RPL19: variants seen among roughly 807,000 people sequenced by gnomAD.
RPL19 encodes large ribosomal subunit protein eL19.
A neutral mutation model predicts 25.1 loss-of-function variants in RPL19; 2 were observed. The observed-to-expected ratio is 0.08, with a 90% CI of 0.03 to 0.25. The LOEUF is 0.25. Among genes scored for constraint, RPL19 ranks in the 10% least tolerant of loss-of-function variants. RPL19 has a pLI of 1.00. For synonymous variants in RPL19, 89 were observed against 91.2 expected (o/e 0.98, Z 0.14); for missense variants, 123 against 271.8 (o/e 0.45, Z 3.85).
At chr17:39,202,130 T>G (rs1367751951) in intron 2 of RPL19, among the ~76,000 whole-genome samples, 187 bp from the exon 3 acceptor site, 2 of 152,078 alleles carry the variant, frequency 1.3e-5, no homozygotes, top group Non-Finnish European at 2.9e-5. Context: ...ACAACCTCTG[T>G]TTGTGAAGGA....
intron 4 of RPL19, 21 bp from the exon 5 acceptor site, chr17:39,204,056 T>C (rs1455697853): frequency 7.1e-7 from 1 of 1,413,918 alleles, no homozygotes; most frequent in South Asian, 1.2e-5. Context: ...CCAGCATCTC[T>C]TCACTCCGTG....
intron 1 of RPL19, 63 bp from the exon 2 acceptor site, chr17:39,201,149 TG>T: frequency 1.9e-6 from 2 of 1,074,188 alleles, no homozygotes; most frequent in South Asian, 1.3e-5. Flanking sequence ...CAGGTCTTGA[TG>T]GGGACGTTCA....
At chr17:39,203,474 C>T (rs888500004) in intron 4 of RPL19, among the ~76,000 whole-genome samples, 4 of 150,086 alleles carry the variant, frequency 2.7e-5, no homozygotes, top group South Asian at 2.1e-4. Flanking sequence ...AGCCACCACG[C>T]GTGGCCCACA....
intron 4 of RPL19, 37 bp from the exon 5 acceptor site, chr17:39,204,040 C>A: frequency 1.6e-6 from 2 of 1,217,924 alleles, no homozygotes; most frequent in South Asian, 1.2e-5. Flanking sequence ...TCTGATCCAT[C>A]ACCAACCAGC....
In RPL19 at chr17:39,200,305, C is replaced by G; in HGVS notation, c.-40C>G. 1.3e-6 allele frequency: 2 copies of G among 1,526,126 alleles called. No individual in the cohort carries two copies. Among genetic ancestry groups the G allele is most frequent in the Non-Finnish European group, 1.8e-6 (2 of 1,135,990 alleles). The allele number at this position is 1,526,126 out of a possible 1,614,324, so 94.5% of individuals were successfully genotyped here. On this transcript the variant is annotated 5_prime_UTR_variant, in exon 1 of 6. Transcript: ENST00000225430. ...TTCGCAGATAATGGGAGGAGCCGGG[C>G]CCGAGCGAGCTCTTTCCTTTCGCTG...
chr17:39,203,541 C>G (rs916821576), intron 4 of RPL19, among the ~76,000 whole-genome samples: 8 of 134,468 alleles, frequency 5.9e-5, no homozygotes, highest in African/African-American at 2.0e-4. Context: ...GACAGAGTCT[C>G]GCTCTGTCAC....
In RPL19 at chr17:39,204,664, C is replaced by G; in HGVS notation, c.*16C>G. 4 of 1,611,910 alleles carry G rather than the reference C, an allele frequency of 2.5e-6. No individual in the cohort carries two copies. Among genetic ancestry groups the G allele is most frequent in the Non-Finnish European group, 3.4e-6 (4 of 1,178,592 alleles). On this transcript the variant is annotated 3_prime_UTR_variant, in exon 6 of 6. Coordinates refer to ENST00000225430, the MANE Select transcript of RPL19 (RefSeq NM_000981.4). ...CAAGAAATAAAACCTCCCACTTTGT[C>G]TGTACATACTGGCCTCTGTGATTAC...
At chr17:39,201,467 C>T (rs1214418105) in intron 2 of RPL19, 148 bp downstream of exon 2, 2 of 587,860 alleles carry the variant, frequency 3.4e-6, no homozygotes, top group Non-Finnish European at 6.0e-6. Context: ...GCCATCTGAT[C>T]ATTGCAACCC....
chr17:39,201,849 G>A (rs2046292599), intron 2 of RPL19, among the ~76,000 whole-genome samples: 1 of 152,172 alleles, frequency 6.6e-6, no homozygotes, highest in Non-Finnish European at 1.5e-5. Flanking sequence ...TGGGATTATC[G>A]ACGTGAGCCA....
chr17:39,202,430 A>T lies in RPL19; in HGVS notation c.226A>T (p.Met76Leu). The T allele has an allele frequency of 6.2e-7, 1 of 1,614,202 alleles. No individual in the cohort carries two copies. The highest frequency in any genetic ancestry group is 2.2e-5 in the East Asian group (1 of 44,884). ...CTTGGCCCGCCGGAAGGGCAGGCAC[A>T]TGGGCATAGGTAAGTGTGGTCATCT... is the stretch of plus-strand genomic sequence containing the variant. ...NTLARRKGRHMGIGKRKGTAN... is the reference protein window; with the variant it reads ...NTLARRKGRHLGIGKRKGTAN... The change falls in exon 3 of 6, where the codon ATG (methionine) becomes TTG (leucine). Residue 76 changes from methionine to leucine, a missense_variant. Coordinates refer to ENST00000225430, the MANE Select transcript of RPL19 (RefSeq NM_000981.4).
chr17:39,201,018 G>A (rs140900292), intron 1 of RPL19, 195 bp from the exon 2 acceptor site: 1 of 536,216 alleles, frequency 1.9e-6, no homozygotes, highest in Non-Finnish European at 3.3e-6. Flanking sequence ...GCTCCGAGAG[G>A]TGAAGGCATA....
intron 1 of RPL19, chr17:39,200,996 T>G: frequency 2.0e-6 from 1 of 504,014 alleles, no homozygotes; most frequent in East Asian, 3.3e-5. Context: ...AGAGGAGAAA[T>G]GCGAACATGA....
chr17:39,204,471 C>G, intron 5 of RPL19, 54 bp from the exon 6 acceptor site: 1 of 1,606,584 alleles, frequency 6.2e-7, no homozygotes. Flanking sequence ...GCTTCTGTCT[C>G]CCTAGCATCT....
chr17:39,202,235 C>A (rs1048723698), intron 2 of RPL19, 82 bp from the exon 3 acceptor site: 1 of 1,530,614 alleles, frequency 6.5e-7, no homozygotes, highest in South Asian at 1.1e-5. Flanking sequence ...AGAATGTGAG[C>A]AGTGTCTCTG....
intron 3 of RPL19, 47 bp from the exon 4 acceptor site, chr17:39,202,942 A>G: frequency 6.2e-7 from 1 of 1,610,588 alleles, no homozygotes. Flanking sequence ...GTACTTATAC[A>G]CAGTGGGCCT....
intron 4 of RPL19, 65 bp downstream of exon 4, chr17:39,203,174 A>ATT (rs59332263): frequency 0.042 from 24,186 of 581,432 alleles, 103 homozygotes; most frequent in South Asian, 0.074. Flanking sequence ...TTTCCCAGAG[A>ATT]TTTTTTTTTT....
At chr17:39,204,264 A>G (rs1308487466) in intron 5 of RPL19, 77 bp downstream of exon 5, 35 of 989,334 alleles carry the variant, frequency 3.5e-5, no homozygotes, top group Non-Finnish European at 4.5e-5. Context: ...AAATGTGCCA[A>G]TGCCTAAGTC....
chr17:39,202,510 AAG>A, intron 3 of RPL19, 71 bp downstream of exon 3: 2 of 1,563,704 alleles, frequency 1.3e-6, no homozygotes, highest in Non-Finnish European at 8.8e-7. Flanking sequence ...TTCAGGATCT[AAG>A]CACTCTGTCT....
At chr17:39,202,842 C>A in intron 3 of RPL19, 147 bp from the exon 4 acceptor site, 1 of 867,716 alleles carries the variant, frequency 1.2e-6, no homozygotes, top group Non-Finnish European at 1.8e-6. Flanking sequence ...TTGGGATCAT[C>A]ATCTGGAAAA....
Sources: gnomAD v4.1 joint callset for allele counts (sites outside exome capture counted in the v4.1 genomes callset) on GRCh38, gnomAD v4.1.1 for gene constraint, MANE v1.5 for transcripts, NCBI Gene and HGNC (gene_info 2026-07-23, HGNC 2026-07-21) for gene names.